Variants in DHTKD1 observed in about 807,000 individuals in gnomAD.
DHTKD1 encodes the protein 2-oxoadipate dehydrogenase complex component E1.
In DHTKD1, 78 loss-of-function variants were observed where a neutral mutation model predicts 101.8. The ratio of observed to expected loss-of-function variants is 0.77; its 90% confidence interval spans 0.64 to 0.93. The LOEUF is 0.93. Ranked by LOEUF, DHTKD1 falls within the 40% of genes least tolerant of loss-of-function variation. DHTKD1 has a pLI of 0.00. For synonymous variants in DHTKD1, 462 were observed against 450.3 expected (o/e 1.03, Z -0.33); for missense variants, 1,223 against 1,161.7 (o/e 1.05, Z -0.77).
intron 9 of DHTKD1, 25 bp downstream of exon 9, chr10:12,100,287 G>GTTTTTTTTTTTTGT (rs1554793010): frequency 0.034 from 9,228 of 268,534 alleles, 297 homozygotes; most frequent in East Asian, 0.043. Flanking sequence ...TTTTTTTTCT[G>GTTTTTTTTTTTTGT]TTTTTTTTTT....
chr10:12,096,583 C>T (rs1451639031), intron 7 of DHTKD1, among the ~76,000 whole-genome samples: 3 of 152,164 alleles, frequency 2.0e-5, no homozygotes, highest in Non-Finnish European at 2.9e-5. Context: ...CCAAGCTGGT[C>T]TCGCCATCTG....
chr10:12,094,310 A>G, intron 7 of DHTKD1, 39 bp downstream of exon 7: 1 of 1,555,950 alleles, frequency 6.4e-7, no homozygotes. Flanking sequence ...CCCCCTAAAA[A>G]TTAAAATTAC....
Position 12,113,026 on chromosome 10 carries a change from C to T in DHTKD1, c.2281C>T (p.Leu761Phe). Residue 761 changes from leucine to phenylalanine, a missense_variant, in exon 13 of 17, where the codon CTC becomes TTC. Transcript: ENST00000263035. ...GATGGTCCGGAACTTCAGAAAACCA[C>T]TCATTGTTGCTTCCCCTAAGATGTT... ...RQMVRNFRKPLIVASPKMLLR... is the reference protein window; with the variant it reads ...RQMVRNFRKPFIVASPKMLLR... 6.2e-7 allele frequency: 1 copy of T among 1,613,478 alleles called. No individual in the cohort carries two copies. Among genetic ancestry groups the T allele is most frequent in the Non-Finnish European group, 8.5e-7 (1 of 1,179,756 alleles).
chr10:12,093,045 A>ATTTT (rs34443347), intron 6 of DHTKD1, among the ~76,000 whole-genome samples: 1 of 138,610 alleles, frequency 7.2e-6, no homozygotes, highest in Non-Finnish European at 1.5e-5. Flanking sequence ...TGCACAGCTA[A>ATTTT]TTTTTTTTTT....
intron 5 of DHTKD1, among the ~76,000 whole-genome samples, chr10:12,089,972 ATT>A (rs11311430): frequency 3.3e-4 from 49 of 148,992 alleles, no homozygotes; most frequent in Admixed American, 5.4e-4. Context: ...TACCTAGCCT[ATT>A]TTTTTTTTTT....
At position 12,123,040 on chromosome 10, in the gene DHTKD1, A is replaced by G. The variant is rs1413672217; in HGVS notation, c.*2152A>G. On this transcript the variant is annotated 3_prime_UTR_variant, in exon 17 of 17. Coordinates refer to ENST00000263035, the MANE Select transcript of DHTKD1 (RefSeq NM_018706.7). ...TCAATTTAACATTTCTCTAGTATTC[A>G]TATCCCTTTTCTTACCATATACCTC... 3 of 152,178 alleles carry G rather than the reference A, an allele frequency of 2.0e-5. No homozygotes were observed. The highest frequency in any genetic ancestry group is 4.8e-5 in the African/African-American group (2 of 41,446). The allele number at this position is 152,178 out of a possible 1,614,324, so 9.4% of individuals were successfully genotyped here.
intron 2 of DHTKD1, 100 bp downstream of exon 2, chr10:12,081,727 T>C: frequency 7.1e-7 from 1 of 1,400,468 alleles, no homozygotes; most frequent in Non-Finnish European, 9.9e-7. Context: ...GAGCTGAGGC[T>C]CCCGCAGGTG....
rs537575528 is a variant in DHTKD1, at chr10:12,120,398, A to T, written c.2658+131A>T. 575 of 736,114 alleles carry T rather than the reference A, an allele frequency of 7.8e-4. 3 individuals carry two copies. In the African/African-American group the frequency reaches 9.3e-3, roughly 12 times the overall value. 45.6% of individuals were successfully genotyped at this position (736,114 alleles called of 1,614,324 possible). ...GCCCAGGCTGGAGTGCAGTGGCGCA[A>T]TCTCAGCTCACTGCAAGCTCCGCCC... On this transcript the variant is annotated intron_variant, in intron 16 of 16. Transcript: ENST00000263035.
intron 3 of DHTKD1, among the ~76,000 whole-genome samples, chr10:12,086,698 A>C (rs1351346925): frequency 1.3e-5 from 2 of 151,904 alleles, no homozygotes; most frequent in African/African-American, 4.8e-5. Context: ...GGCTATGTAC[A>C]GTTGCAGTTC....
intron 8 of DHTKD1, among the ~76,000 whole-genome samples, chr10:12,099,755 T>C (rs981085142): frequency 4.0e-5 from 6 of 151,780 alleles, no homozygotes; most frequent in African/African-American, 7.2e-5. Flanking sequence ...TTGTACTCTG[T>C]TTTTATTCAG....
intron 12 of DHTKD1, 129 bp downstream of exon 12, chr10:12,108,144 G>A: frequency 1.6e-6 from 1 of 614,228 alleles, no homozygotes; most frequent in Non-Finnish European, 2.8e-6. Flanking sequence ...CAGATTTGAT[G>A]CAATGTCAAT....
At chr10:12,098,038 G>C (rs950487732) in intron 8 of DHTKD1, 42 bp downstream of exon 8, 2 of 1,536,530 alleles carry the variant, frequency 1.3e-6, no homozygotes, top group Middle Eastern at 1.7e-4. Flanking sequence ...TCTCCTTCCT[G>C]CTCAGCAAAG....
At chr10:12,094,490 C>T (rs553696946) in intron 7 of DHTKD1, among the ~76,000 whole-genome samples, 4 of 152,234 alleles carry the variant, frequency 2.6e-5, no homozygotes, top group East Asian at 1.9e-4. Flanking sequence ...CGTGTGCCAC[C>T]GTGCCTGGCT....
chr10:12,101,050 G>A lies in DHTKD1; in HGVS notation c.1765G>A (p.Val589Ile). 6.2e-7 allele frequency: 1 copy of A among 1,613,526 alleles called. No individual in the cohort carries two copies. Among genetic ancestry groups the A allele is most frequent in the African/African-American group, 1.3e-5 (1 of 74,996 alleles). ...TTTCTTGCTTGCTTAAGGTTTTAATGTTCGTCTAAGTGGCCAAGATGTTGG... is the reference window on the plus strand; with the variant it reads ...TTTCTTGCTTGCTTAAGGTTTTAATATTCGTCTAAGTGGCCAAGATGTTGG... Reference protein sequence around the residue: ...LGSLLAQGFNVRLSGQDVGRG... With the variant: ...LGSLLAQGFNIRLSGQDVGRG... The change falls in exon 10 of 17, where the codon GTT (valine) becomes ATT (isoleucine). Residue 589 changes from valine (V) to isoleucine (I), a missense_variant. Val to Ile is a conservative substitution (Grantham distance 29). Transcript: ENST00000263035.
At chr10:12,118,690 C>T (rs1354379072) in intron 14 of DHTKD1, 59 bp from the exon 15 acceptor site, 6 of 1,403,170 alleles carry the variant, frequency 4.3e-6, no homozygotes, top group African/African-American at 1.5e-5. Context: ...CCTCTTCTGA[C>T]GTAATTCTTA....
At position 12,091,690 on chromosome 10, in the gene DHTKD1, T is replaced by C. The variant is rs1324393355; in HGVS notation, c.1159+6T>C. On this transcript the variant is annotated splice_donor_region_variant and intron_variant, in intron 6 of 16. Coordinates refer to ENST00000263035, the MANE Select transcript of DHTKD1 (RefSeq NM_018706.7). ...TTTATACTGCAGTGATATTGGTACG[T>C]AACACAGGGAGGAACTGATATTGCT... The C allele has an allele frequency of 6.2e-7, 1 of 1,612,754 alleles. No homozygotes were observed. Among genetic ancestry groups the C allele is most frequent in the Non-Finnish European group, 8.5e-7 (1 of 1,179,360 alleles).
chr10:12,084,062 A>G (rs1832863874), intron 2 of DHTKD1, among the ~76,000 whole-genome samples: 2 of 151,918 alleles, frequency 1.3e-5, no homozygotes, highest in South Asian at 4.1e-4. Context: ...AGCTGGGACT[A>G]CAGGCGCACG....
chr10:12,105,578 A>G (rs1467547297), intron 10 of DHTKD1, among the ~76,000 whole-genome samples: 1 of 151,994 alleles, frequency 6.6e-6, no homozygotes, highest in Non-Finnish European at 1.5e-5. Context: ...TCGGCCTCCC[A>G]AATTGTTGGG....
intron 8 of DHTKD1, among the ~76,000 whole-genome samples, chr10:12,099,142 C>G (rs1262659279): frequency 6.6e-6 from 1 of 151,594 alleles, no homozygotes; most frequent in Non-Finnish European, 1.5e-5. Flanking sequence ...TGTACTCCAG[C>G]CTGGGTGACA....
Sources: gnomAD v4.1 joint callset for allele counts (sites outside exome capture counted in the v4.1 genomes callset) on GRCh38, gnomAD v4.1.1 for gene constraint, MANE v1.5 for transcripts, NCBI Gene and HGNC (gene_info 2026-07-23, HGNC 2026-07-21) for gene names.